The following KCNAB1 variants were observed in gnomAD, a reference collection of about 807,000 sequenced individuals.
The protein encoded by KCNAB1 is potassium voltage-gated channel subfamily A regulatory beta subunit 1, also known as voltage-gated potassium channel subunit beta-1.
In KCNAB1, 35 loss-of-function variants were observed where a neutral mutation model predicts 64.6. That is an observed-to-expected ratio of 0.54 (90% CI 0.41 to 0.72). KCNAB1 has a LOEUF of 0.72. Among genes scored for constraint, KCNAB1 ranks in the 30% least tolerant of loss-of-function variants. The pLI is 0.00. For synonymous variants in KCNAB1, 177 were observed against 183.8 expected (o/e 0.96, Z 0.30); for missense variants, 401 against 512.9 (o/e 0.78, Z 2.11).
At chr3:156,184,815 G>T (rs1015770760) in intron 1 of KCNAB1, among the ~76,000 whole-genome samples, 34 of 152,080 alleles carry the variant, frequency 2.2e-4, no homozygotes, top group African/African-American at 7.2e-4. Context: ...CCCCATACCT[G>T]TTTCTCCTGT....
At chr3:156,252,962 C>T (rs947732893) in intron 1 of KCNAB1, among the ~76,000 whole-genome samples, 1 of 152,164 alleles carries the variant, frequency 6.6e-6, no homozygotes, top group Admixed American at 6.5e-5. Flanking sequence ...AGTTAAACTC[C>T]AAAGTAATGA....
chr3:156,399,181 A>G (rs1559865673), intron 1 of KCNAB1, among the ~76,000 whole-genome samples: 1 of 152,154 alleles, frequency 6.6e-6, no homozygotes, highest in Non-Finnish European at 1.5e-5. Flanking sequence ...TAAATACAAG[A>G]ATCTCCCAGG....
rs200809107 is a variant in KCNAB1, at chr3:156,293,695, GTGCC to G, written c.276-127919_276-127916del. On this transcript the variant is annotated intron_variant, in intron 1 of 13. Coordinates refer to ENST00000490337, the MANE Select transcript of KCNAB1 (RefSeq NM_172160.3). Reference sequence around the variant, plus strand: ...ACTCATTGAAGCATCAGCTGTGTGAGTGCCTTTGCTTTTCCTGATATCCCTGTGA... The same window carrying G: ...ACTCATTGAAGCATCAGCTGTGTGAGTTTGCTTTTCCTGATATCCCTGTGA... Among the ~76,000 whole-genome samples the G allele has an allele frequency of 8.7e-3, 1,324 of 152,378 alleles. 21 individuals carry two copies. The highest frequency in any genetic ancestry group is 0.029 in the African/African-American group (1,217 of 41,594).
intron 1 of KCNAB1, among the ~76,000 whole-genome samples, chr3:156,267,810 A>C (rs1225714048): frequency 1.3e-5 from 2 of 152,086 alleles, no homozygotes; most frequent in African/African-American, 4.8e-5. Flanking sequence ...TATATTGGAT[A>C]TTTTGATACA....
At chr3:156,535,002 G>A (rs1368380016) in intron 13 of KCNAB1, among the ~76,000 whole-genome samples, 1 of 151,484 alleles carries the variant, frequency 6.6e-6, no homozygotes, top group Non-Finnish European at 1.5e-5. Context: ...TGGCTAACCC[G>A]CTGTATTTTA....
At chr3:156,526,702 A>G (rs1012588075) in intron 12 of KCNAB1, among the ~76,000 whole-genome samples, 1 of 152,130 alleles carries the variant, frequency 6.6e-6, no homozygotes, top group African/African-American at 2.4e-5. Context: ...CTCCTTCATC[A>G]CCATAACAAT....
chr3:156,408,115 G>A (rs1295355720), intron 1 of KCNAB1, among the ~76,000 whole-genome samples: 7 of 152,108 alleles, frequency 4.6e-5, no homozygotes, highest in Non-Finnish European at 8.8e-5. Flanking sequence ...GGGAGGGGGT[G>A]TGCATGAACT....
In KCNAB1 at chr3:156,136,086, T is replaced by A. The variant is rs371653368; in HGVS notation, c.275+15200T>A. Among the ~76,000 whole-genome samples the A allele has an allele frequency of 3.9e-5, 6 of 152,330 alleles. No homozygotes were observed. In the South Asian group the frequency reaches 8.3e-4, roughly 21 times the overall value. On this transcript the variant is annotated intron_variant, in intron 1 of 13. Coordinates refer to ENST00000490337, the MANE Select transcript of KCNAB1 (RefSeq NM_172160.3). ...GAAGTCTAAGTCTCCCACGTATAAC[T>A]GTGTGTTCTGTGCACTGCACAACAC...
intron 8 of KCNAB1, among the ~76,000 whole-genome samples, chr3:156,502,322 T>A (rs1226175176): frequency 6.6e-6 from 1 of 152,158 alleles, no homozygotes; most frequent in Non-Finnish European, 1.5e-5. Context: ...AGGTACTGGC[T>A]ATGGGATAAA....
At chr3:156,378,866 C>CA (rs1711932046) in intron 1 of KCNAB1, among the ~76,000 whole-genome samples, 1 of 152,114 alleles carries the variant, frequency 6.6e-6, no homozygotes, top group South Asian at 2.1e-4. Context: ...AGCAGGGACC[C>CA]AAAAACAGAG....
At chr3:156,326,102 A>G (rs1454470212) in intron 1 of KCNAB1, among the ~76,000 whole-genome samples, 2 of 152,128 alleles carry the variant, frequency 1.3e-5, no homozygotes, top group African/African-American at 4.8e-5. Flanking sequence ...TCCACCAGTC[A>G]TGCCCAGCTA....
At chr3:156,528,817 G>A (rs1718500784) in intron 12 of KCNAB1, among the ~76,000 whole-genome samples, 1 of 152,198 alleles carries the variant, frequency 6.6e-6, no homozygotes, top group Admixed American at 6.5e-5. Context: ...TGAAGCTGCA[G>A]AGGTAGGCTA....
chr3:156,256,742 C>T (rs1464180793), intron 1 of KCNAB1, among the ~76,000 whole-genome samples: 1 of 152,206 alleles, frequency 6.6e-6, no homozygotes, highest in South Asian at 2.1e-4. Flanking sequence ...AGATATACTT[C>T]CTACCATTTT....
At chr3:156,157,009 A>G (rs1715765951) in intron 1 of KCNAB1, among the ~76,000 whole-genome samples, 1 of 152,196 alleles carries the variant, frequency 6.6e-6, no homozygotes, top group South Asian at 2.1e-4. Context: ...ATGAGTGTGC[A>G]GAAAGGCAGG....
At chr3:156,459,806 A>G (rs570486247) in intron 4 of KCNAB1, 21 bp from the exon 5 acceptor site, 5 of 1,590,696 alleles carry the variant, frequency 3.1e-6, no homozygotes, top group Non-Finnish European at 4.3e-6. Flanking sequence ...ATTCTAAGAC[A>G]TTATCTGTTT....
intron 1 of KCNAB1, among the ~76,000 whole-genome samples, chr3:156,165,233 C>T (rs1208357650): frequency 6.9e-6 from 1 of 145,290 alleles, no homozygotes; most frequent in Non-Finnish European, 1.5e-5. Flanking sequence ...AGCCGAGATC[C>T]CGCCACTGCA....
Position 156,190,894 on chromosome 3 carries a change from C to T in KCNAB1, c.275+70008C>T, listed in dbSNP as rs1254624261. Among the ~76,000 whole-genome samples the T allele has an allele frequency of 3.3e-5, 5 of 152,194 alleles. No homozygotes were observed. In the East Asian group the frequency reaches 5.8e-4, roughly 18 times the overall value. On this transcript the variant is annotated intron_variant, in intron 1 of 13. Coordinates refer to ENST00000490337, the MANE Select transcript of KCNAB1 (RefSeq NM_172160.3). Reference sequence around the variant, plus strand: ...TTTTAGTAGAGACAGGGTTTAGCCACGTTGGCCAGGCTGGTCTCAAACTCC... The same window carrying T: ...TTTTAGTAGAGACAGGGTTTAGCCATGTTGGCCAGGCTGGTCTCAAACTCC...
rs72558057 is a variant in KCNAB1 at position 156,536,937 on chromosome 3, A to G, written c.*190A>G. 3 of 594,754 alleles carry G rather than the reference A, an allele frequency of 5.0e-6. No individual in the cohort carries two copies. The highest frequency in any genetic ancestry group is 9.0e-6 in the Non-Finnish European group (3 of 334,384). 36.8% of individuals were successfully genotyped at this position (594,754 alleles called of 1,614,324 possible). ...CATCTGAAAACTCACAACCAAGAAAATCCATTCTATTTTCTTATCTTGGAC... is the reference window on the plus strand; with the variant it reads ...CATCTGAAAACTCACAACCAAGAAAGTCCATTCTATTTTCTTATCTTGGAC... On this transcript the variant is annotated 3_prime_UTR_variant, in exon 14 of 14. Transcript: ENST00000490337.
intron 1 of KCNAB1, among the ~76,000 whole-genome samples, chr3:156,177,519 A>G (rs1319910719): frequency 3.3e-5 from 5 of 151,684 alleles, no homozygotes; most frequent in Non-Finnish European, 4.4e-5. Flanking sequence ...TGGGACTACA[A>G]GCGCCCGCCA....
Sources: gnomAD v4.1 joint callset for allele counts (sites outside exome capture counted in the v4.1 genomes callset) on GRCh38, gnomAD v4.1.1 for gene constraint, MANE v1.5 for transcripts, NCBI Gene and HGNC (gene_info 2026-07-23, HGNC 2026-07-21) for gene names.